MCM9: variants seen among roughly 807,000 people sequenced by gnomAD.
MCM9 encodes DNA helicase MCM9.
Under a neutral mutation model 72.8 loss-of-function variants are expected in MCM9, and 55 were observed. The ratio of observed to expected loss-of-function variants is 0.76; its 90% confidence interval spans 0.61 to 0.95. The LOEUF (loss-of-function observed/expected upper bound fraction) is 0.95, where lower values mean the gene tolerates loss of function less well. Ranked by LOEUF, MCM9 falls within the 40% of genes least tolerant of loss-of-function variation. The pLI is 0.00. For missense variants in MCM9, 1,279 were observed against 1,377.0 expected (o/e 0.93, Z 1.13); for synonymous variants, 480 against 503.4 (o/e 0.95, Z 0.62).
intron 9 of MCM9, among the ~76,000 whole-genome samples, chr6:118,851,397 G>C (rs903306549): frequency 2.1e-4 from 32 of 151,740 alleles, no homozygotes; most frequent in Admixed American, 1.9e-3. Context: ...AGAAATAAAA[G>C]GTACAAACCA....
intron 13 of MCM9, among the ~76,000 whole-genome samples, chr6:118,822,432 G>A (rs915917358): frequency 6.6e-6 from 1 of 152,102 alleles, no homozygotes; most frequent in Non-Finnish European, 1.5e-5. Flanking sequence ...GTTTGCCTGG[G>A]GTATCACCAG....
chr6:118,829,156 C>T lies in MCM9; in HGVS notation c.1420G>A (p.Ala474Thr), dbSNP rs1224023907. The change falls in exon 10 of 14, where the codon GCC becomes ACC. Residue 474 changes from alanine to threonine, a missense_variant. Coordinates refer to ENST00000619706, the MANE Select transcript of MCM9 (RefSeq NM_017696.3). Reference protein sequence around the residue: ...DPQESVSVNIALGSPLLSRFD... With the variant: ...DPQESVSVNITLGSPLLSRFD... ...CGACTTAAGAGTGGGCTGCCGAGGG[C>T]AATGTTCACAGACACGGACTCCTGG... The T allele has an allele frequency of 6.4e-7, 1 of 1,550,434 alleles. No homozygotes were observed. Among genetic ancestry groups the T allele is most frequent in the Admixed American group, 2.0e-5 (1 of 50,972 alleles).
chr6:118,909,360 T>G (rs1462855889), intron 8 of MCM9, among the ~76,000 whole-genome samples: 3 of 152,240 alleles, frequency 2.0e-5, no homozygotes, highest in Admixed American at 2.0e-4. Flanking sequence ...AATTTTCACT[T>G]AAGCTTGGGA....
chr6:118,933,766 G>C (rs186852098), intron 1 of MCM9, among the ~76,000 whole-genome samples: 17 of 152,166 alleles, frequency 1.1e-4, no homozygotes, highest in African/African-American at 4.1e-4. Flanking sequence ...AGTACATATA[G>C]CAGTTAGGTC....
intron 9 of MCM9, among the ~76,000 whole-genome samples, chr6:118,834,386 T>C (rs1774805842): frequency 6.6e-6 from 1 of 152,168 alleles, no homozygotes; most frequent in Admixed American, 6.5e-5. Context: ...AGTAATGGGA[T>C]TACTGGGTCA....
At chr6:118,899,070 A>G (rs1468428902) in intron 8 of MCM9, among the ~76,000 whole-genome samples, 1 of 152,142 alleles carries the variant, frequency 6.6e-6, no homozygotes, top group African/African-American at 2.4e-5. Flanking sequence ...TTTCATCTTC[A>G]GGATTTTATC....
intron 8 of MCM9, among the ~76,000 whole-genome samples, chr6:118,884,952 T>G (rs1468314317): frequency 6.6e-6 from 1 of 152,264 alleles, no homozygotes; most frequent in Non-Finnish European, 1.5e-5. Context: ...ATCCCAGCAC[T>G]TTAGGAGGTC....
At chr6:118,864,222 C>T (rs1345235672) in intron 8 of MCM9, among the ~76,000 whole-genome samples, 1 of 152,070 alleles carries the variant, frequency 6.6e-6, no homozygotes, top group Non-Finnish European at 1.5e-5. Flanking sequence ...TCCCACCATT[C>T]CCCGAGTCCC....
intron 8 of MCM9, among the ~76,000 whole-genome samples, chr6:118,874,180 G>A (rs1371496318): frequency 2.0e-5 from 3 of 152,000 alleles, no homozygotes; most frequent in African/African-American, 7.2e-5. Context: ...ACTTGAACCT[G>A]GAAGGCAGAG....
chr6:118,815,611 T>C lies in MCM9; in HGVS notation c.2645A>G (p.His882Arg), dbSNP rs182607789. The C allele has an allele frequency of 7.7e-6, 12 of 1,550,516 alleles. No homozygotes were observed. Among genetic ancestry groups the C allele is most frequent in the Admixed American group, 5.9e-5 (3 of 50,988 alleles). ...VPSHPQSTPV[H>R]SPDRMLDSPK... ...TGAGTCCAGCATTCTGTCTGGGCTATGTACAGGAGTGGACTGAGGATGGGA... is the reference window on the plus strand; with the variant it reads ...TGAGTCCAGCATTCTGTCTGGGCTACGTACAGGAGTGGACTGAGGATGGGA... Residue 882 changes from histidine (H) to arginine (R), a missense_variant, in exon 14 of 14, where the codon CAT becomes CGT. By Grantham distance (29) the His-to-Arg change is conservative (BLOSUM62 0). Coordinates refer to ENST00000619706, the MANE Select transcript of MCM9 (RefSeq NM_017696.3).
intron 9 of MCM9, among the ~76,000 whole-genome samples, chr6:118,830,484 C>T (rs1774467307): frequency 1.3e-5 from 2 of 152,144 alleles, no homozygotes; most frequent in Admixed American, 6.6e-5. Flanking sequence ...AGGAAAAATT[C>T]TGGACAGTCC....
chr6:118,814,979 T>C lies in MCM9; in HGVS notation c.3277A>G (p.Thr1093Ala). Residue 1093 changes from threonine to alanine, a missense_variant, in exon 14 of 14, where the codon ACA (threonine) becomes GCA (alanine). Transcript: ENST00000619706. ...ERGPSSPPTT[T>A]APMRVSKRKS... The stretch of plus-strand genomic sequence containing the variant: ...CTTTTACTGACACGCATTGGAGCTG[T>C]GGTTGTAGGAGGGGAGCTTGGGCCT... The C allele has an allele frequency of 6.4e-7, 1 of 1,550,442 alleles. No homozygotes were observed. Among genetic ancestry groups the C allele is most frequent in the Non-Finnish European group, 8.7e-7 (1 of 1,146,938 alleles).
intron 9 of MCM9, among the ~76,000 whole-genome samples, chr6:118,841,530 C>T (rs1775366553): frequency 6.6e-6 from 1 of 152,336 alleles, no homozygotes; most frequent in African/African-American, 2.4e-5. Context: ...GGCAGATCAA[C>T]AAGACCCAAA....
intron 6 of MCM9, among the ~76,000 whole-genome samples, chr6:118,916,902 C>T (rs1366214126): frequency 6.6e-6 from 1 of 152,104 alleles, no homozygotes; most frequent in African/African-American, 2.4e-5. Context: ...TTATTAGAAA[C>T]GTCTATTACT....
At chr6:118,816,459 T>G (rs1773413890) in intron 13 of MCM9, among the ~76,000 whole-genome samples, 165 bp from the exon 14 acceptor site, 1 of 152,204 alleles carries the variant, frequency 6.6e-6, no homozygotes, top group Non-Finnish European at 1.5e-5. Context: ...GAAATAATCC[T>G]TTTTTAAATC....
chr6:118,830,698 T>C (rs1057152317), intron 9 of MCM9, among the ~76,000 whole-genome samples: 4 of 152,232 alleles, frequency 2.6e-5, no homozygotes, highest in South Asian at 2.1e-4. Context: ...CAATTGCATA[T>C]GACATAATTT....
intron 3 of MCM9, 69 bp from the exon 4 acceptor site, chr6:118,924,196 C>G: frequency 7.6e-7 from 1 of 1,318,532 alleles, no homozygotes; most frequent in Non-Finnish European, 1.0e-6. Flanking sequence ...ATATATTCTT[C>G]TCCTATTTCC....
At chr6:118,843,676 A>G (rs1245470510) in intron 9 of MCM9, among the ~76,000 whole-genome samples, 8 of 89,316 alleles carry the variant, frequency 9.0e-5, no homozygotes, top group Non-Finnish European at 1.5e-4. Flanking sequence ...ATATGTATGT[A>G]TATATATATG....
At chr6:118,879,315 C>T (rs1410823448) in intron 8 of MCM9, among the ~76,000 whole-genome samples, 1 of 149,236 alleles carries the variant, frequency 6.7e-6, no homozygotes, top group Non-Finnish European at 1.5e-5. Flanking sequence ...GACTTAAAGG[C>T]ACAAATAGGT....
Sources: gnomAD v4.1 joint callset for allele counts (sites outside exome capture counted in the v4.1 genomes callset) on GRCh38, gnomAD v4.1.1 for gene constraint, MANE v1.5 for transcripts, NCBI Gene and HGNC (gene_info 2026-07-23, HGNC 2026-07-21) for gene names.